ESR1: variants seen among roughly 807,000 people sequenced by gnomAD.
ESR1 encodes the protein estrogen receptor 1.
ESR1 carries 12 observed loss-of-function variants against 52.7 expected under a neutral mutation model. The ratio of observed to expected loss-of-function variants is 0.23; its 90% CI spans 0.15 to 0.37. The LOEUF (loss-of-function observed/expected upper bound fraction) is 0.37. Ranked by LOEUF, ESR1 falls within the 10% of genes least tolerant of loss-of-function variation. The pLI, the probability that ESR1 is intolerant of heterozygous loss-of-function variation, is 1.00. For missense variants in ESR1, 584 were observed against 779.7 expected, an observed-to-expected ratio of 0.75 and a Z score of 2.99; for synonymous variants, 305 against 316.8, an observed-to-expected ratio of 0.96 and a Z score of 0.39.
chr6:151,847,829 G>C (rs566224476), intron 2 of ESR1, among the ~76,000 whole-genome samples: 1 of 149,438 alleles, frequency 6.7e-6, no homozygotes, highest in Non-Finnish European at 1.5e-5. Context: ...CCTATGTCCT[G>C]AATGGTAATT....
At chr6:151,838,451 C>T (rs1291365051) in intron 1 of ESR1, among the ~76,000 whole-genome samples, 1 of 152,156 alleles carries the variant, frequency 6.6e-6, no homozygotes, top group Non-Finnish European at 1.5e-5. Flanking sequence ...ATGGCCCAGA[C>T]ATGGACACCT....
chr6:151,937,080 A>C (rs1040531412), intron 3 of ESR1, among the ~76,000 whole-genome samples: 1 of 152,294 alleles, frequency 6.6e-6, no homozygotes, highest in East Asian at 1.9e-4. Flanking sequence ...GGTTTTTGGA[A>C]GGGATTTGTA....
At chr6:151,808,580 A>G (rs1778269514) in intron 1 of ESR1, among the ~76,000 whole-genome samples, 1 of 152,114 alleles carries the variant, frequency 6.6e-6, no homozygotes, top group Non-Finnish European at 1.5e-5. Flanking sequence ...GGGCAGCTGA[A>G]AAAAACGTAC....
chr6:151,976,222 A>AG (rs1327876066), intron 4 of ESR1, among the ~76,000 whole-genome samples: 1 of 152,100 alleles, frequency 6.6e-6, no homozygotes, highest in Non-Finnish European at 1.5e-5. Context: ...AGGGAAGAAG[A>AG]GGGTAGCCTA....
intron 3 of ESR1, among the ~76,000 whole-genome samples, chr6:151,906,160 T>C (rs747658199): frequency 6.6e-6 from 1 of 152,154 alleles, no homozygotes; most frequent in Non-Finnish European, 1.5e-5. Context: ...AACTATGAGA[T>C]ATTTAAAAAG....
chr6:151,706,487 G>A (rs892810278), intron 2 of ESR1, among the ~76,000 whole-genome samples: 6 of 152,304 alleles, frequency 3.9e-5, no homozygotes, highest in Admixed American at 3.3e-4. Flanking sequence ...ATCCCAGGGC[G>A]GGGCAGGAGA....
rs1429825728 is a variant in ESR1, at chr6:151,834,420, C to T, written c.453-8177C>T. Among the ~76,000 whole-genome samples, 3 of 152,088 alleles carry T rather than the reference C, an allele frequency of 2.0e-5. No individual in the cohort carries two copies. In the East Asian group the frequency reaches 5.8e-4, roughly 29 times the overall value. On this transcript the variant is annotated intron_variant, in intron 1 of 7. Coordinates refer to ENST00000206249, the MANE Select transcript of ESR1 (RefSeq NM_000125.4). ...GCAGGGACATGGGTGAAGCTGGAAA[C>T]CATCATTCTCAGCAAACTAACACAG...
At chr6:151,742,405 C>G (rs1439502899) in intron 2 of ESR1, among the ~76,000 whole-genome samples, 1 of 152,206 alleles carries the variant, frequency 6.6e-6, no homozygotes, top group Non-Finnish European at 1.5e-5. Context: ...TCTCCACACG[C>G]TCACCAACAC....
intron 3 of ESR1, among the ~76,000 whole-genome samples, chr6:151,930,877 G>A (rs549616792): frequency 6.6e-6 from 1 of 152,144 alleles, no homozygotes; most frequent in South Asian, 2.1e-4. Flanking sequence ...TACGGTTTCT[G>A]AAGAGAAATC....
intron 2 of ESR1, among the ~76,000 whole-genome samples, chr6:151,740,235 C>T (rs1782980462): frequency 6.6e-6 from 1 of 151,358 alleles, no homozygotes; most frequent in African/African-American, 2.4e-5. Flanking sequence ...TCTTTTGCCT[C>T]AGCCTCCTGA....
chr6:151,981,677 C>T (rs7753398), intron 4 of ESR1, among the ~76,000 whole-genome samples: 14,097 of 152,212 alleles, frequency 0.093, 1,330 homozygotes, highest in African/African-American at 0.24. Context: ...AAACCTAAGA[C>T]TATAAGATTG....
chr6:152,022,680 A>G (rs2043772171), intron 5 of ESR1, among the ~76,000 whole-genome samples: 2 of 152,122 alleles, frequency 1.3e-5, no homozygotes, highest in South Asian at 4.1e-4. Flanking sequence ...CTTTCAAAAG[A>G]AAAAGGATGG....
At chr6:152,038,544 C>T (rs548642713) in intron 5 of ESR1, among the ~76,000 whole-genome samples, 6 of 152,294 alleles carry the variant, frequency 3.9e-5, no homozygotes, top group Admixed American at 6.5e-5. Flanking sequence ...ATACAACTAT[C>T]GTTCATACAA....
At chr6:151,843,696 C>CT (rs1784654646) in intron 2 of ESR1, among the ~76,000 whole-genome samples, 1 of 152,120 alleles carries the variant, frequency 6.6e-6, no homozygotes, top group Non-Finnish European at 1.5e-5. Flanking sequence ...AGTATAAACA[C>CT]TAAGAATATT....
intron 2 of ESR1, among the ~76,000 whole-genome samples, chr6:151,716,787 C>T (rs961806727): frequency 1.3e-5 from 2 of 152,204 alleles, no homozygotes; most frequent in Non-Finnish European, 2.9e-5. Context: ...GTGGGATCCA[C>T]TGAGCTAGAA....
At chr6:152,026,798 G>T (rs139384360) in intron 5 of ESR1, among the ~76,000 whole-genome samples, 204 of 152,120 alleles carry the variant, frequency 1.3e-3, no homozygotes, top group African/African-American at 4.6e-3. Context: ...TAATTCCTGA[G>T]CACTCTCCAG....
chr6:151,955,379 T>G (rs977965593), intron 4 of ESR1, among the ~76,000 whole-genome samples: 1 of 152,196 alleles, frequency 6.6e-6, no homozygotes, highest in Non-Finnish European at 1.5e-5. Flanking sequence ...GTTGAAATGG[T>G]AAATTTTATG....
intron 2 of ESR1, among the ~76,000 whole-genome samples, chr6:151,742,006 C>A (rs1308558316): frequency 6.6e-6 from 1 of 152,138 alleles, no homozygotes; most frequent in Non-Finnish European, 1.5e-5. Context: ...ATAAAAGATT[C>A]CATATATAAA....
chr6:151,944,791 T>C (rs1368505475), intron 4 of ESR1, among the ~76,000 whole-genome samples: 1 of 152,208 alleles, frequency 6.6e-6, no homozygotes, highest in East Asian at 1.9e-4. Flanking sequence ...GGACACTACA[T>C]GGTAAAACTA....
Sources: allele counts gnomAD v4.1 joint callset (sites outside exome capture counted in the v4.1 genomes callset), GRCh38; gene constraint gnomAD v4.1.1; transcripts MANE v1.5; gene names NCBI Gene and HGNC (gene_info 2026-07-23, HGNC 2026-07-21).